ULK4: variants seen among roughly 807,000 people sequenced by gnomAD.
ULK4 encodes the protein inactive serine/threonine-protein kinase ULK4.
In ULK4, 133 loss-of-function variants were observed where a neutral mutation model predicts 160.6. That is an observed-to-expected ratio of 0.83 (90% confidence interval 0.72 to 0.96). The LOEUF (loss-of-function observed/expected upper bound fraction) is 0.96, where lower values mean the gene tolerates loss of function less well. Among genes scored for constraint, ULK4 ranks in the 40% least tolerant of loss-of-function variants. The pLI, the probability that ULK4 is intolerant of heterozygous loss-of-function variation, is 0.00. For missense variants in ULK4, 1,580 were observed against 1,499.5 expected (o/e 1.05, Z -0.89); for synonymous variants, 534 against 539.8 (o/e 0.99, Z 0.15).
chr3:41,792,421 A>C (rs907523062), intron 20 of ULK4, among the ~76,000 whole-genome samples: 1 of 152,144 alleles, frequency 6.6e-6, no homozygotes, highest in Non-Finnish European at 1.5e-5. Flanking sequence ...TTTTAAAAAA[A>C]AGATCATTTG....
intron 30 of ULK4, among the ~76,000 whole-genome samples, chr3:41,645,489 T>C (rs1464016200): frequency 6.6e-6 from 1 of 152,194 alleles, no homozygotes; most frequent in African/African-American, 2.4e-5. Context: ...CAGTTCCATG[T>C]AGTGGAGTGG....
At chr3:41,947,215 G>A (rs548957753) in intron 2 of ULK4, among the ~76,000 whole-genome samples, 1 of 152,142 alleles carries the variant, frequency 6.6e-6, no homozygotes, top group Non-Finnish European at 1.5e-5. Flanking sequence ...GGAGGCTCAG[G>A]CAGGAGAATG....
intron 18 of ULK4, among the ~76,000 whole-genome samples, chr3:41,827,978 T>C (rs1490319605): frequency 6.6e-6 from 1 of 152,042 alleles, no homozygotes; most frequent in African/African-American, 2.4e-5. Flanking sequence ...ATCCCTGGGA[T>C]GCAACGCTGG....
chr3:41,379,075 G>A (rs1337143323), intron 35 of ULK4, among the ~76,000 whole-genome samples: 1 of 151,994 alleles, frequency 6.6e-6, no homozygotes, highest in Non-Finnish European at 1.5e-5. Context: ...AGCAAGGGGA[G>A]GGCTGGCATT....
chr3:41,407,523 G>C (rs1362011695), intron 34 of ULK4, among the ~76,000 whole-genome samples: 1 of 152,100 alleles, frequency 6.6e-6, no homozygotes, highest in Non-Finnish European at 1.5e-5. Context: ...AAGTATTATA[G>C]ACCATTACCA....
In ULK4 at chr3:41,794,612, G is replaced by A. The variant is rs373437058; in HGVS notation, c.2011-4769C>T. Among the ~76,000 whole-genome samples the A allele has an allele frequency of 1.8e-3, 207 of 115,436 alleles. 1 individual carries two copies. In the Middle Eastern group the frequency reaches 0.024, roughly 13 times the overall value. The allele number at this position is 115,436 out of a possible 152,430, so 75.7% of individuals were successfully genotyped here. ...GGAGGCAGAGGTTGCAGTGAGCTGA[G>A]ATCACAATACTGCACTCCAGCCTGG... On this transcript the variant is annotated intron_variant, in intron 20 of 36. Transcript: ENST00000301831.
chr3:41,943,853 A>C (rs1316275687), intron 2 of ULK4, among the ~76,000 whole-genome samples: 1 of 152,194 alleles, frequency 6.6e-6, no homozygotes, highest in Admixed American at 6.5e-5. Context: ...CATTATGCTG[A>C]GTATTTTTCC....
intron 32 of ULK4, among the ~76,000 whole-genome samples, chr3:41,488,340 G>T (rs149490087): frequency 1.1e-4 from 16 of 152,172 alleles, no homozygotes; most frequent in Middle Eastern, 3.4e-3. Context: ...AAGTGGAGAC[G>T]GTCCAGAGAG....
At chr3:41,703,581 T>C (rs1047578999) in intron 27 of ULK4, among the ~76,000 whole-genome samples, 1 of 150,418 alleles carries the variant, frequency 6.6e-6, no homozygotes, top group African/African-American at 2.4e-5. Context: ...AAGCTAAATA[T>C]TTACCCCAAA....
chr3:41,696,548 C>T (rs2125815506), intron 27 of ULK4, among the ~76,000 whole-genome samples: 1 of 152,184 alleles, frequency 6.6e-6, no homozygotes, highest in East Asian at 1.9e-4. Flanking sequence ...CTGGTCTCCG[C>T]ATCTTGGTGG....
At chr3:41,855,787 T>C (rs115510081) in intron 17 of ULK4, among the ~76,000 whole-genome samples, 86 of 152,322 alleles carry the variant, frequency 5.6e-4, no homozygotes, top group Admixed American at 3.3e-3. Context: ...TCTGTTTCCA[T>C]GTTTCTTTCA....
At chr3:41,295,876 C>T (rs2079658201) in intron 35 of ULK4, among the ~76,000 whole-genome samples, 1 of 152,216 alleles carries the variant, frequency 6.6e-6, no homozygotes, top group Admixed American at 6.5e-5. Flanking sequence ...ATGCTCTTAC[C>T]TTACTATCTA....
At chr3:41,519,426 C>A (rs1428979145) in intron 32 of ULK4, among the ~76,000 whole-genome samples, 7 of 152,206 alleles carry the variant, frequency 4.6e-5, no homozygotes, top group Admixed American at 4.6e-4. Flanking sequence ...GATAATCAGT[C>A]GCTAATTTCA....
At chr3:41,372,837 C>A (rs2081397801) in intron 35 of ULK4, among the ~76,000 whole-genome samples, 1 of 152,164 alleles carries the variant, frequency 6.6e-6, no homozygotes, top group Admixed American at 6.5e-5. Context: ...TTAAAAGGCA[C>A]AGACTGGCAA....
intron 32 of ULK4, among the ~76,000 whole-genome samples, chr3:41,541,341 T>A (rs1352450384): frequency 2.0e-5 from 3 of 152,196 alleles, no homozygotes; most frequent in African/African-American, 7.2e-5. Flanking sequence ...TGGTTGTAGA[T>A]GTGTGGTGTT....
chr3:41,937,364 C>A, intron 3 of ULK4: 1 of 682,240 alleles, frequency 1.5e-6, no homozygotes, highest in South Asian at 1.6e-5. Context: ...AAAATAAAAT[C>A]AAATAAGTTA....
chr3:41,608,225 G>A (rs950799832), intron 31 of ULK4, among the ~76,000 whole-genome samples: 7 of 152,080 alleles, frequency 4.6e-5, no homozygotes, highest in Admixed American at 4.6e-4. Context: ...TAGTACATCA[G>A]ATTTCCTGGC....
intron 30 of ULK4, among the ~76,000 whole-genome samples, chr3:41,629,057 T>C (rs1373449607): frequency 6.6e-6 from 1 of 152,210 alleles, no homozygotes; most frequent in Non-Finnish European, 1.5e-5. Flanking sequence ...TATAGTGTTT[T>C]ATAAAAATAT....
chr3:41,632,169 G>T (rs183398263), intron 30 of ULK4, among the ~76,000 whole-genome samples: 217 of 152,290 alleles, frequency 1.4e-3, no homozygotes, highest in African/African-American at 4.9e-3. Context: ...AGAGCTGGAA[G>T]GGGAGTGAAC....
Sources: gnomAD v4.1 joint callset for allele counts (sites outside exome capture counted in the v4.1 genomes callset) on GRCh38, gnomAD v4.1.1 for gene constraint, MANE v1.5 for transcripts, NCBI Gene and HGNC (gene_info 2026-07-23, HGNC 2026-07-21) for gene names.